RALGPS1: variants seen among roughly 807,000 people sequenced by gnomAD.
RALGPS1 encodes the protein ras-specific guanine nucleotide-releasing factor RalGPS1.
RALGPS1 carries 19 observed loss-of-function variants against 78.8 expected under a neutral mutation model. The ratio of observed to expected loss-of-function variants is 0.24; its 90% CI spans 0.17 to 0.35. The LOEUF is 0.35. RALGPS1 is among the 10% of genes least tolerant of loss of function. RALGPS1 has a pLI of 1.00. For synonymous variants in RALGPS1, 228 were observed against 256.3 expected, an observed-to-expected ratio of 0.89 and a Z score of 1.06; for missense variants, 454 against 688.3, an observed-to-expected ratio of 0.66 and a Z score of 3.81.
chr9:127,208,596 C>T (rs2062062496), intron 14 of RALGPS1, among the ~76,000 whole-genome samples: 1 of 152,102 alleles, frequency 6.6e-6, no homozygotes, highest in Non-Finnish European at 1.5e-5. Flanking sequence ...CGAGTGCACT[C>T]GATGAAGTTG....
chr9:127,202,067 T>C (rs149923354), intron 14 of RALGPS1, among the ~76,000 whole-genome samples: 4 of 152,218 alleles, frequency 2.6e-5, no homozygotes, highest in African/African-American at 9.6e-5. Flanking sequence ...GGGGCCACAC[T>C]CTTCTATTGA....
intron 4 of RALGPS1, among the ~76,000 whole-genome samples, chr9:126,996,092 A>G (rs1042415894): frequency 6.6e-6 from 1 of 152,234 alleles, no homozygotes; most frequent in African/African-American, 2.4e-5. Flanking sequence ...AAGATCTAAA[A>G]TTGACACCCT....
intron 3 of RALGPS1, among the ~76,000 whole-genome samples, chr9:126,977,159 G>A (rs4837123): frequency 0.2 from 30,571 of 152,144 alleles, 3,800 homozygotes; most frequent in East Asian, 0.44. Context: ...ACAGTTTGTT[G>A]TCCCGTGCTG....
chr9:126,915,769 C>G (rs1352801934), intron 1 of RALGPS1, among the ~76,000 whole-genome samples: 1 of 147,364 alleles, frequency 6.8e-6, no homozygotes, highest in Non-Finnish European at 1.5e-5. Flanking sequence ...AAGGGGCTTG[C>G]CAGGATGCGG....
intron 14 of RALGPS1, among the ~76,000 whole-genome samples, chr9:127,210,194 A>AG (rs1488460484): frequency 6.6e-6 from 1 of 152,218 alleles, no homozygotes; most frequent in Non-Finnish European, 1.5e-5. Context: ...GCGAGTTTGC[A>AG]GGGGCCTGGC....
At chr9:127,086,778 C>G (rs2051797185) in intron 8 of RALGPS1, among the ~76,000 whole-genome samples, 1 of 152,146 alleles carries the variant, frequency 6.6e-6, no homozygotes. Flanking sequence ...CCTAGAATCA[C>G]TTCCCAACCC....
At chr9:127,050,299 G>C (rs913709337) in intron 6 of RALGPS1, among the ~76,000 whole-genome samples, 167 bp downstream of exon 6, 5 of 152,138 alleles carry the variant, frequency 3.3e-5, no homozygotes, top group African/African-American at 1.2e-4. Context: ...CCAGCTGTTA[G>C]ACCTGCCTGG....
At chr9:127,024,975 G>T (rs2045840883) in intron 4 of RALGPS1, among the ~76,000 whole-genome samples, 1 of 152,134 alleles carries the variant, frequency 6.6e-6, no homozygotes, top group Non-Finnish European at 1.5e-5. Context: ...TAAACAGTTT[G>T]GTGATTGTGA....
At chr9:127,013,921 A>C (rs1219863998) in intron 4 of RALGPS1, among the ~76,000 whole-genome samples, 3 of 152,010 alleles carry the variant, frequency 2.0e-5, no homozygotes, top group Non-Finnish European at 2.9e-5. Flanking sequence ...CTTCTTATAC[A>C]CTGATTGCAC....
At chr9:127,049,632 C>A (rs1374011618) in intron 5 of RALGPS1, among the ~76,000 whole-genome samples, 1 of 152,130 alleles carries the variant, frequency 6.6e-6, no homozygotes. Flanking sequence ...ATATACATGT[C>A]CCTTTGGCTC....
intron 5 of RALGPS1, among the ~76,000 whole-genome samples, chr9:127,046,872 G>A (rs1463259321): frequency 6.6e-6 from 1 of 150,742 alleles, no homozygotes; most frequent in East Asian, 1.9e-4. Flanking sequence ...ATAAATATTT[G>A]GAACAAAAAA....
intron 7 of RALGPS1, among the ~76,000 whole-genome samples, chr9:127,054,486 G>A (rs1454623778): frequency 1.3e-5 from 2 of 152,254 alleles, no homozygotes; most frequent in Non-Finnish European, 2.9e-5. Flanking sequence ...AGGGTCTTGC[G>A]CAGAGATACG....
At chr9:127,095,943 G>T (rs1052968510) in intron 8 of RALGPS1, among the ~76,000 whole-genome samples, 17 of 152,118 alleles carry the variant, frequency 1.1e-4, no homozygotes, top group African/African-American at 4.1e-4. Context: ...GTATTGCCCC[G>T]ATAAGAAAGA....
intron 11 of RALGPS1, among the ~76,000 whole-genome samples, chr9:127,187,890 C>T (rs549596625): frequency 6.6e-6 from 1 of 152,210 alleles, no homozygotes; most frequent in Non-Finnish European, 1.5e-5. Context: ...GAGTTTCTTC[C>T]CCCGGGGTGC....
intron 11 of RALGPS1, among the ~76,000 whole-genome samples, chr9:127,182,349 CCTCCCTTCCTTCCTTCCTT>C (rs1373172711): frequency 5.5e-4 from 75 of 135,980 alleles, no homozygotes; most frequent in African/African-American, 1.8e-3. Flanking sequence ...TTCCTTCCTT[CCTCCCTTCCTTCCTTCCTT>C]CCTCCCTCCC....
intron 8 of RALGPS1, among the ~76,000 whole-genome samples, chr9:127,073,617 A>G (rs1308589335): frequency 6.6e-6 from 1 of 152,230 alleles, no homozygotes; most frequent in Non-Finnish European, 1.5e-5. Context: ...ATAAATACCC[A>G]GTGGGATTGC....
At chr9:126,944,420 G>A (rs2037067499) in intron 1 of RALGPS1, among the ~76,000 whole-genome samples, 1 of 152,174 alleles carries the variant, frequency 6.6e-6, no homozygotes, top group Admixed American at 6.5e-5. Context: ...CGCCTCCACA[G>A]TCCACCTTAG....
At chr9:126,934,625 G>C (rs1478879792) in intron 1 of RALGPS1, among the ~76,000 whole-genome samples, 1 of 152,176 alleles carries the variant, frequency 6.6e-6, no homozygotes, top group Non-Finnish European at 1.5e-5. Context: ...ACCACATGAA[G>C]CTCTGGGGTT....
intron 8 of RALGPS1, among the ~76,000 whole-genome samples, chr9:127,075,503 CAA>C (rs1218625628): frequency 6.6e-6 from 1 of 152,196 alleles, no homozygotes; most frequent in African/African-American, 2.4e-5. Context: ...GTATTCTTCT[CAA>C]AAATGCAACC....
Sources: gnomAD v4.1 joint callset for allele counts (sites outside exome capture counted in the v4.1 genomes callset) on GRCh38, gnomAD v4.1.1 for gene constraint, MANE v1.5 for transcripts, NCBI Gene and HGNC (gene_info 2026-07-23, HGNC 2026-07-21) for gene names.